Variants in TM2D1 observed in about 807,000 individuals in gnomAD.
TM2D1 encodes TM2 domain-containing protein 1.
In TM2D1, 15 loss-of-function variants were observed where a neutral mutation model predicts 28.4. The observed-to-expected ratio is 0.53, with a 90% CI of 0.35 to 0.81. TM2D1 has a LOEUF of 0.81. Among genes scored for constraint, TM2D1 ranks in the 40% least tolerant of loss-of-function variants. TM2D1 has a pLI of 0.01. For missense variants in TM2D1, 236 were observed against 254.9 expected (o/e 0.93, Z 0.50); for synonymous variants, 93 against 96.2 (o/e 0.97, Z 0.20).
At chr1:61,689,477 C>T (rs1644308565) in intron 5 of TM2D1, among the ~76,000 whole-genome samples, 1 of 152,108 alleles carries the variant, frequency 6.6e-6, no homozygotes, top group African/African-American at 2.4e-5. Context: ...TCAAGTGATC[C>T]TCCAACCTCA....
intron 2 of TM2D1, among the ~76,000 whole-genome samples, chr1:61,711,136 G>A (rs1389436180): frequency 6.6e-6 from 1 of 151,980 alleles, no homozygotes; most frequent in African/African-American, 2.4e-5. Context: ...TTTGGAGTGC[G>A]ACACCAGCCT....
chr1:61,683,103 G>A (rs564607304), intron 6 of TM2D1, among the ~76,000 whole-genome samples: 3 of 152,190 alleles, frequency 2.0e-5, no homozygotes, highest in South Asian at 4.1e-4. Flanking sequence ...AGAAATATCT[G>A]CTATATTGAG....
At chr1:61,700,707 TTG>T (rs1465604419) in intron 4 of TM2D1, among the ~76,000 whole-genome samples, 1 of 152,166 alleles carries the variant, frequency 6.6e-6, no homozygotes, top group Non-Finnish European at 1.5e-5. Flanking sequence ...CTCCACTATC[TTG>T]TGTGTGTTTT....
intron 1 of TM2D1, chr1:61,724,507 T>C (rs560463710): frequency 4.2e-4 from 65 of 156,058 alleles, no homozygotes; most frequent in Non-Finnish European, 8.5e-4. Flanking sequence ...TGAGGTAATA[T>C]GCATAATATA....
chr1:61,710,659 T>C (rs1173639517), intron 2 of TM2D1, among the ~76,000 whole-genome samples: 1 of 151,824 alleles, frequency 6.6e-6, no homozygotes, highest in Non-Finnish European at 1.5e-5. Context: ...TTTAGATTAG[T>C]TTCAGAAAAA....
chr1:61,709,681 C>A (rs1403624209), intron 2 of TM2D1, among the ~76,000 whole-genome samples: 1 of 152,120 alleles, frequency 6.6e-6, no homozygotes, highest in Non-Finnish European at 1.5e-5. Flanking sequence ...GATGCATGGC[C>A]AATCTATAAT....
chr1:61,715,018 T>C (rs1383067388), intron 2 of TM2D1, among the ~76,000 whole-genome samples: 1 of 152,120 alleles, frequency 6.6e-6, no homozygotes, highest in Non-Finnish European at 1.5e-5. Flanking sequence ...GACACCATAG[T>C]GGAAAGAGGT....
chr1:61,686,311 TA>T (rs34604285), intron 5 of TM2D1, among the ~76,000 whole-genome samples: 151,478 of 151,880 alleles, frequency 1, 75,539 homozygotes, highest in Middle Eastern at 1. Context: ...ATTTACTTTT[TA>T]AAAAAAAAAG....
intron 2 of TM2D1, among the ~76,000 whole-genome samples, chr1:61,711,173 A>C (rs1644475904): frequency 6.6e-6 from 1 of 151,006 alleles, no homozygotes; most frequent in African/African-American, 2.4e-5. Context: ...ACCCATCTCT[A>C]CAAAAAATTA....
chr1:61,705,115 T>C (rs559631477), intron 3 of TM2D1, among the ~76,000 whole-genome samples: 1 of 152,258 alleles, frequency 6.6e-6, no homozygotes, highest in South Asian at 2.1e-4. Context: ...GAAATGAAAT[T>C]AGAAAAGCAA....
rs549735143 is a variant in TM2D1 at position 61,686,764 on chromosome 1, T to C, written c.514-3218A>G. 5 of 947,434 alleles carry C rather than the reference T, an allele frequency of 5.3e-6. No homozygotes were observed. In the African/African-American group the frequency reaches 8.8e-5, roughly 17 times the overall value. 58.7% of individuals were successfully genotyped at this position (947,434 alleles called of 1,614,324 possible). A position where few individuals can be genotyped will look rare whatever the true frequency, so the allele number is the denominator to read the frequency against. ...AACATCTGTCATTATGAGTATATGA[T>C]TGTATTATTAATTATAAAATTACAA... On this transcript the variant is annotated intron_variant, in intron 5 of 6. Coordinates refer to ENST00000606498, the MANE Select transcript of TM2D1 (RefSeq NM_032027.3).
chr1:61,692,852 A>G (rs866977105), intron 5 of TM2D1, among the ~76,000 whole-genome samples: 1 of 149,938 alleles, frequency 6.7e-6, no homozygotes, highest in Non-Finnish European at 1.5e-5. Context: ...AAAATGTCTT[A>G]TTTAGGGGAA....
chr1:61,706,830 AAAAAAAAG>A (rs903223284), intron 3 of TM2D1, among the ~76,000 whole-genome samples: 1 of 47,894 alleles, frequency 2.1e-5, no homozygotes, highest in African/African-American at 5.6e-5. Flanking sequence ...ACTCTGTCTT[AAAAAAAAG>A]AAAGAAAGAA....
intron 6 of TM2D1, 54 bp downstream of exon 6, chr1:61,683,363 T>G: frequency 1.7e-6 from 1 of 574,258 alleles, no homozygotes; most frequent in East Asian, 3.7e-5. Context: ...TCTCATAATT[T>G]TATATGAATA....
intron 3 of TM2D1, among the ~76,000 whole-genome samples, chr1:61,708,913 C>T (rs1311371244): frequency 6.6e-6 from 1 of 151,644 alleles, no homozygotes. Context: ...CCTGTAAATC[C>T]CAGCACTTTG....
At chr1:61,719,251 C>A (rs1055283132) in intron 2 of TM2D1, among the ~76,000 whole-genome samples, 10 of 151,820 alleles carry the variant, frequency 6.6e-5, no homozygotes, top group Admixed American at 3.3e-4. Flanking sequence ...GGTTTCACCA[C>A]ATAGCCCAGG....
intron 2 of TM2D1, among the ~76,000 whole-genome samples, chr1:61,721,675 C>T (rs1644566039): frequency 2.0e-5 from 3 of 151,856 alleles, no homozygotes; most frequent in Admixed American, 2.0e-4. Context: ...GATCACTTAA[C>T]TCACACTTTT....
chr1:61,700,384 A>C, intron 4 of TM2D1: 1 of 1,253,882 alleles, frequency 8.0e-7, no homozygotes, highest in South Asian at 2.7e-5. Context: ...AAATGTAAAT[A>C]GTTTTCATAA....
At chr1:61,715,500 T>A (rs185478407) in intron 2 of TM2D1, among the ~76,000 whole-genome samples, 1 of 151,276 alleles carries the variant, frequency 6.6e-6, no homozygotes, top group Admixed American at 6.6e-5. Context: ...ATACACAAAT[T>A]AGCCAGGCAT....
Sources: allele counts gnomAD v4.1 joint callset (sites outside exome capture counted in the v4.1 genomes callset), GRCh38; gene constraint gnomAD v4.1.1; transcripts MANE v1.5; gene names NCBI Gene and HGNC (gene_info 2026-07-23, HGNC 2026-07-21).